The following CCDC126 variants were observed in gnomAD, a reference collection of about 807,000 sequenced individuals.
CCDC126 encodes the protein coiled-coil domain-containing protein 126.
CCDC126 carries 5 observed loss-of-function variants against 11.7 expected under a neutral mutation model. That is an observed-to-expected ratio of 0.43 (90% CI 0.22 to 0.90). The LOEUF is 0.90. Ranked by LOEUF, CCDC126 falls within the 40% of genes least tolerant of loss-of-function variation. The pLI is 0.27. For synonymous variants in CCDC126, 60 were observed against 61.9 expected, an observed-to-expected ratio of 0.97 and a Z score of 0.14; for missense variants, 150 against 163.1, an observed-to-expected ratio of 0.92 and a Z score of 0.44.
Position 23,611,227 on chromosome 7 carries a change from A to AT in CCDC126, c.-82dup. 3.8e-6 allele frequency: 3 copies of AT among 784,884 alleles called. No individual in the cohort carries two copies. The highest frequency in any genetic ancestry group is 1.6e-5 in the South Asian group (1 of 62,524). 48.6% of individuals were successfully genotyped at this position (784,884 alleles called of 1,614,324 possible). ...ATGAAGAATATACAATATTGAGGATATTTTTTTCTTTTTTTTTTCAAGTCT... is the reference window on the plus strand; with the variant it reads ...ATGAAGAATATACAATATTGAGGATATTTTTTTTCTTTTTTTTTTCAAGTCT... On this transcript the variant is annotated 5_prime_UTR_variant, in exon 3 of 4. Coordinates refer to ENST00000307471, the MANE Select transcript of CCDC126 (RefSeq NM_138771.4).
At chr7:23,624,062 T>C (rs1184406460) in intron 3 of CCDC126, among the ~76,000 whole-genome samples, 1 of 152,214 alleles carries the variant, frequency 6.6e-6, no homozygotes, top group East Asian at 1.9e-4. Flanking sequence ...GATTGCTTCC[T>C]GGCTTTTCTT....
chr7:23,613,822 T>C (rs2128016394), intron 3 of CCDC126, among the ~76,000 whole-genome samples: 1 of 152,358 alleles, frequency 6.6e-6, no homozygotes, highest in African/African-American at 2.4e-5. Context: ...TCTTTTGGTT[T>C]CCCAGTGCAT....
At position 23,644,495 on chromosome 7, in the gene CCDC126, TTAAAA is replaced by T. The variant is rs1335853698; in HGVS notation, c.*1385_*1389del. ...ATGTAGCAATAATTACAATATTTTA[TTAAAA>T]TAAATATGTGAAATATTGTTTCATG... On this transcript the variant is annotated 3_prime_UTR_variant, in exon 4 of 4. Transcript: ENST00000307471. The T allele has an allele frequency of 6.6e-6, 1 of 152,536 alleles. No individual in the cohort carries two copies. Among genetic ancestry groups the T allele is most frequent in the Non-Finnish European group, 1.5e-5 (1 of 67,952 alleles). The allele number at this position is 152,536 out of a possible 1,614,324, so 9.4% of individuals were successfully genotyped here.
At chr7:23,610,375 C>G (rs1405927704) in intron 2 of CCDC126, among the ~76,000 whole-genome samples, 2 of 152,078 alleles carry the variant, frequency 1.3e-5, no homozygotes, top group Non-Finnish European at 2.9e-5. Flanking sequence ...CCATGCCTGG[C>G]TAATTTTTAA....
intron 2 of CCDC126, among the ~76,000 whole-genome samples, chr7:23,610,812 G>T (rs1782698967): frequency 6.6e-6 from 1 of 151,318 alleles, no homozygotes; most frequent in African/African-American, 2.4e-5. Context: ...TTTTGAGGAA[G>T]AATAGCTTTT....
chr7:23,643,156 T>C lies in CCDC126; in HGVS notation c.*41T>C, dbSNP rs757454721. On this transcript the variant is annotated 3_prime_UTR_variant, in exon 4 of 4. Coordinates refer to ENST00000307471, the MANE Select transcript of CCDC126 (RefSeq NM_138771.4). The stretch of plus-strand genomic sequence containing the variant: ...TTGTGCTGCTCCATCCACTGTGGAT[T>C]ATATCCTATGGCAGAAAAGCTTTAT... 2 of 1,558,744 alleles carry C rather than the reference T, an allele frequency of 1.3e-6. No individual in the cohort carries two copies. The highest frequency in any genetic ancestry group is 1.4e-5 in the African/African-American group (1 of 73,458).
intron 2 of CCDC126, among the ~76,000 whole-genome samples, chr7:23,606,891 C>T (rs78543924): frequency 0.046 from 7,003 of 151,496 alleles, 452 homozygotes; most frequent in African/African-American, 0.14. Context: ...AGGAGGATCA[C>T]GTGAGACCAG....
chr7:23,606,296 G>A (rs774274407), intron 2 of CCDC126, among the ~76,000 whole-genome samples: 8 of 152,072 alleles, frequency 5.3e-5, no homozygotes, highest in African/African-American at 1.9e-4. Context: ...CTGACCTCGT[G>A]ATCTGCCTGC....
intron 2 of CCDC126, chr7:23,602,018 T>C (rs193121040): frequency 6.6e-6 from 1 of 152,294 alleles, no homozygotes; most frequent in Admixed American, 6.5e-5. Flanking sequence ...AATGTTGGAC[T>C]AAAGACAAGC....
chr7:23,621,509 A>G (rs1269057280), intron 3 of CCDC126, among the ~76,000 whole-genome samples: 3 of 152,194 alleles, frequency 2.0e-5, no homozygotes, highest in Non-Finnish European at 2.9e-5. Context: ...TAGATATACA[A>G]TCATGTCATC....
chr7:23,612,595 C>G (rs555072797), intron 3 of CCDC126, among the ~76,000 whole-genome samples: 1 of 151,264 alleles, frequency 6.6e-6, no homozygotes, highest in South Asian at 2.1e-4. Flanking sequence ...ATGGCTTGAG[C>G]CCAAGAGGTC....
At position 23,597,483 on chromosome 7, in the gene CCDC126, T is replaced by A. The variant is rs1460659164; in HGVS notation, c.-353T>A. The A allele has an allele frequency of 6.6e-6, 1 of 152,140 alleles. No individual in the cohort carries two copies. Among genetic ancestry groups the A allele is most frequent in the African/African-American group, 2.4e-5 (1 of 41,404 alleles). 9.4% of individuals were successfully genotyped at this position (152,140 alleles called of 1,614,324 possible). A position where few individuals can be genotyped will look rare whatever the true frequency, so the allele number is the denominator to read the frequency against. The stretch of plus-strand genomic sequence containing the variant: ...TCCCACCCACCGGCGTTTCTCCAGC[T>A]CGATCTGGAGGCTGCTTCGCCAGTG... On this transcript the variant is annotated 5_prime_UTR_variant, in exon 1 of 4. Coordinates refer to ENST00000307471, the MANE Select transcript of CCDC126 (RefSeq NM_138771.4).
At chr7:23,620,793 A>C (rs1249668974) in intron 3 of CCDC126, among the ~76,000 whole-genome samples, 2 of 150,834 alleles carry the variant, frequency 1.3e-5, no homozygotes, top group African/African-American at 5.0e-5. Flanking sequence ...AGCTTTCTAC[A>C]TATGGCTAGC....
At chr7:23,608,720 G>GC (rs1276420426) in intron 2 of CCDC126, among the ~76,000 whole-genome samples, 3 of 152,170 alleles carry the variant, frequency 2.0e-5, no homozygotes. Context: ...GTTCTAATGG[G>GC]TTCTCCTTGC....
chr7:23,608,694 G>C (rs1311430096), intron 2 of CCDC126, among the ~76,000 whole-genome samples: 1 of 152,174 alleles, frequency 6.6e-6, no homozygotes, highest in Admixed American at 6.5e-5. Context: ...CATCCTGTTA[G>C]AACTGCCTAA....
intron 2 of CCDC126, among the ~76,000 whole-genome samples, chr7:23,606,660 T>C (rs1052803803): frequency 1.3e-5 from 2 of 152,336 alleles, no homozygotes; most frequent in South Asian, 2.1e-4. Flanking sequence ...TTGTGCCATA[T>C]AGACTAATTA....
rs1482478387 is a variant in CCDC126 at position 23,640,735 on chromosome 7, A to G, written c.239-2196A>G. On this transcript the variant is annotated intron_variant, in intron 3 of 3. Transcript: ENST00000307471. ...TATTCTATATAAGTGGAATTGTACA[A>G]TATTTGATTTGATTGATGTCTGGCT... Among the ~76,000 whole-genome samples, 4 of 152,224 alleles carry G rather than the reference A, an allele frequency of 2.6e-5. No individual in the cohort carries two copies. In the South Asian group the frequency reaches 6.2e-4, roughly 24 times the overall value.
chr7:23,622,715 A>G (rs1782936746), intron 3 of CCDC126: 3 of 527,436 alleles, frequency 5.7e-6, no homozygotes, highest in African/African-American at 1.9e-5. Flanking sequence ...TAAATGTTAC[A>G]TTGTGGCCAC....
At chr7:23,604,500 C>T (rs1211245337) in intron 2 of CCDC126, among the ~76,000 whole-genome samples, 1 of 151,992 alleles carries the variant, frequency 6.6e-6, no homozygotes, top group Non-Finnish European at 1.5e-5. Flanking sequence ...CCTAATGTTA[C>T]TCAGATTACC....
Sources: allele counts gnomAD v4.1 joint callset (sites outside exome capture counted in the v4.1 genomes callset), GRCh38; gene constraint gnomAD v4.1.1; transcripts MANE v1.5; gene names NCBI Gene and HGNC (gene_info 2026-07-23, HGNC 2026-07-21).